The following NEK5 variants were observed in gnomAD, a reference collection of about 807,000 sequenced individuals.
NEK5 encodes NIMA related kinase 5.
In NEK5, 88 loss-of-function variants were observed where a neutral mutation model predicts 109.2. That is an observed-to-expected ratio of 0.81 (90% CI 0.68 to 0.96). The LOEUF is 0.96. Among genes scored for constraint, NEK5 ranks in the 40% least tolerant of loss-of-function variants. NEK5 has a pLI of 0.00. For missense variants in NEK5, 834 were observed against 920.7 expected (o/e 0.91, Z 1.22); for synonymous variants, 283 against 299.9 (o/e 0.94, Z 0.58).
At chr13:52,065,656 G>T (rs747847227) in intron 20 of NEK5, 47 bp from the exon 21 acceptor site, 32 of 1,395,550 alleles carry the variant, frequency 2.3e-5, no homozygotes, top group Non-Finnish European at 3.1e-5. Flanking sequence ...GTCAAAGTGT[G>T]ACTAATTGTC....
At chr13:52,053,075 T>A (rs964113726) in intron 22 of NEK5, among the ~76,000 whole-genome samples, 2 of 151,954 alleles carry the variant, frequency 1.3e-5, no homozygotes, top group African/African-American at 4.8e-5. Context: ...CTGAGGCAGG[T>A]GGATCACTTG....
rs571510977 is a variant in NEK5, at chr13:52,063,486, G to A, written c.1976-1533C>T. 8.5e-4 allele frequency among the ~76,000 whole-genome samples: 130 copies of A among 152,058 alleles called. 1 individual carries two copies. The highest frequency in any genetic ancestry group is 2.8e-3 in the African/African-American group (118 of 41,458). ...AGTGCTGAGATTGCAGCCTCTGCCC[G>A]GCCGCCACCCCGTCTGGGAAGTGAG... On this transcript the variant is annotated intron_variant, in intron 21 of 23. Coordinates refer to ENST00000684899, the MANE Select transcript of NEK5 (RefSeq NM_001365552.1).
intron 22 of NEK5, 86 bp downstream of exon 22, chr13:52,061,733 A>G (rs1954616029): frequency 2.3e-6 from 1 of 430,242 alleles, no homozygotes; most frequent in Non-Finnish European, 3.1e-6. Context: ...TCCCAGCTGA[A>G]GGTATTTTTA....
chr13:52,067,977 C>T lies in NEK5; in HGVS notation c.1850-2368G>A, dbSNP rs572519588. Among the ~76,000 whole-genome samples the T allele has an allele frequency of 3.3e-5, 5 of 152,256 alleles. No homozygotes were observed. In the East Asian group the frequency reaches 7.7e-4, roughly 23 times the overall value. On this transcript the variant is annotated intron_variant, in intron 20 of 23. Coordinates refer to ENST00000684899, the MANE Select transcript of NEK5 (RefSeq NM_001365552.1). ...AAAGTGCTGGGATTACAGGCATGAA[C>T]TACCATGCCTGGTCAACCATCATGT...
At chr13:52,048,595 GATAAAGAAA>G (rs1156374194) in intron 23 of NEK5, among the ~76,000 whole-genome samples, 4 of 152,136 alleles carry the variant, frequency 2.6e-5, no homozygotes, top group Non-Finnish European at 5.9e-5. Flanking sequence ...TGCATGAATA[GATAAAGAAA>G]ATGTGGTGTA....
chr13:52,052,405 G>A (rs999538035), intron 22 of NEK5, among the ~76,000 whole-genome samples: 2 of 152,158 alleles, frequency 1.3e-5, no homozygotes, highest in African/African-American at 4.8e-5. Context: ...TTGAACACTT[G>A]GAGGTTATGG....
chr13:52,127,123 A>T (rs1359862322), intron 3 of NEK5, among the ~76,000 whole-genome samples: 1 of 152,120 alleles, frequency 6.6e-6, no homozygotes, highest in Admixed American at 6.5e-5. Flanking sequence ...GCTTCACACA[A>T]TCCTCCCACC....
chr13:52,097,028 A>G (rs1343750738), intron 12 of NEK5, among the ~76,000 whole-genome samples: 1 of 152,160 alleles, frequency 6.6e-6, no homozygotes, highest in African/African-American at 2.4e-5. Context: ...AGCTCAGGCC[A>G]TTGCTTCAGA....
At chr13:52,120,564 T>C (rs939706671) in intron 3 of NEK5, among the ~76,000 whole-genome samples, 1 of 151,290 alleles carries the variant, frequency 6.6e-6, no homozygotes, top group Admixed American at 6.6e-5. Context: ...GAAATAAAAA[T>C]GGCTGATAGA....
At chr13:52,051,071 T>A (rs1041397546) in intron 22 of NEK5, among the ~76,000 whole-genome samples, 1 of 151,878 alleles carries the variant, frequency 6.6e-6, no homozygotes, top group Non-Finnish European at 1.5e-5. Flanking sequence ...GCTTTTTTTT[T>A]TTTTTAGAAC....
At chr13:52,114,958 C>T (rs545512418) in intron 4 of NEK5, among the ~76,000 whole-genome samples, 2 of 152,140 alleles carry the variant, frequency 1.3e-5, no homozygotes, top group East Asian at 1.9e-4. Flanking sequence ...ACTCACTCAA[C>T]CTTACACTGG....
At chr13:52,106,727 A>G (rs1450732091) in intron 8 of NEK5, among the ~76,000 whole-genome samples, 1 of 151,834 alleles carries the variant, frequency 6.6e-6, no homozygotes, top group African/African-American at 2.4e-5. Context: ...AGATCACACC[A>G]CTGCACTCCA....
chr13:52,081,376 T>C (rs1955010297), intron 17 of NEK5, among the ~76,000 whole-genome samples: 1 of 152,152 alleles, frequency 6.6e-6, no homozygotes, highest in South Asian at 2.1e-4. Flanking sequence ...TCTTTTTTTT[T>C]AGAGATGGGG....
intron 23 of NEK5, among the ~76,000 whole-genome samples, chr13:52,049,251 C>T (rs1057453776): frequency 6.6e-6 from 1 of 151,960 alleles, no homozygotes; most frequent in African/African-American, 2.4e-5. Context: ...AACAAGACCT[C>T]ATGTCTACAA....
At position 52,076,123 on chromosome 13, in the gene NEK5, T is replaced by C; in HGVS notation, c.1593A>G (p.Lys531=). Residue 531 remains lysine (K), a synonymous_variant, in exon 18 of 24, where the codon AAA becomes AAG. Transcript: ENST00000684899. The stretch of plus-strand genomic sequence containing the variant: ...CCTTTGTGTTCTGAAGCCTCATTTG[T>C]TTCAAGTCTTTTTCAATGTCCTGAA... ...APVQDIEKDL[K]QMRLQNTKES... The C allele has an allele frequency of 2.5e-6, 4 of 1,595,388 alleles. No homozygotes were observed. The highest frequency in any genetic ancestry group is 3.4e-6 in the Non-Finnish European group (4 of 1,166,932).
chr13:52,105,299 C>T (rs1955629475), intron 8 of NEK5, among the ~76,000 whole-genome samples: 1 of 151,086 alleles, frequency 6.6e-6, no homozygotes, highest in South Asian at 2.1e-4. Context: ...GAGAGATAGA[C>T]TCATACTAAA....
chr13:52,039,222 G>A (rs1434011170), intron 23 of NEK5, among the ~76,000 whole-genome samples: 2 of 152,206 alleles, frequency 1.3e-5, no homozygotes, highest in Non-Finnish European at 2.9e-5. Context: ...CTGTGAAGGA[G>A]GAGGCACAGT....
chr13:52,081,279 T>C (rs1309224348), intron 17 of NEK5, among the ~76,000 whole-genome samples: 3 of 152,188 alleles, frequency 2.0e-5, no homozygotes, highest in African/African-American at 7.2e-5. Flanking sequence ...ACAAATTAAG[T>C]GATAATTATT....
Position 52,112,282 on chromosome 13 carries a change from A to G in NEK5, c.298T>C (p.Phe100Leu). Residue 100 changes from phenylalanine to leucine, a missense_variant, in exon 5 of 24, where the codon TTT becomes CTT. By Grantham distance (22) the Phe-to-Leu change is conservative (BLOSUM62 0). Coordinates refer to ENST00000684899, the MANE Select transcript of NEK5 (RefSeq NM_001365552.1). ...GAAGTTTTTACCTGATCTTCACTAA[A>G]TAACACACCCCGTTGTCTATTGATC... ...KRINRQRGVL[F>L]SEDQILGWFV... 6.2e-7 allele frequency: 1 copy of G among 1,606,300 alleles called. No homozygotes were observed.
Sources: gnomAD v4.1 joint callset for allele counts (sites outside exome capture counted in the v4.1 genomes callset) on GRCh38, gnomAD v4.1.1 for gene constraint, MANE v1.5 for transcripts, NCBI Gene and HGNC (gene_info 2026-07-23, HGNC 2026-07-21) for gene names.